Variants in PCDH15 observed in about 807,000 individuals in gnomAD.
PCDH15 encodes protocadherin-15.
In PCDH15, 129 loss-of-function variants were observed where a neutral mutation model predicts 178.5. The observed-to-expected ratio is 0.72, with a 90% confidence interval of 0.63 to 0.84. PCDH15 has a LOEUF of 0.84. PCDH15 is among the 40% of genes least tolerant of loss of function. The pLI, the probability that PCDH15 is intolerant of heterozygous loss-of-function variation, is 0.00. For missense variants in PCDH15, 2,230 were observed against 2,099.9 expected (o/e 1.06, Z -1.21); for synonymous variants, 800 against 732.0 (o/e 1.09, Z -1.50).
Position 54,050,812 on chromosome 10 carries a change from C to T in PCDH15, c.2220+15945G>A, listed in dbSNP as rs549275803. The stretch of plus-strand genomic sequence containing the variant: ...CTGTATTGATATGGTTTGGCTGTGT[C>T]CCCACCAAAATCTCATCTTGATTGT... On this transcript the variant is annotated intron_variant, in intron 18 of 37. Transcript: ENST00000644397. Among the ~76,000 whole-genome samples the T allele has an allele frequency of 4.6e-5, 7 of 152,158 alleles. No homozygotes were observed. The East Asian group carries it at 1.2e-3, about 25-fold the overall frequency.
intron 2 of PCDH15, among the ~76,000 whole-genome samples, chr10:54,608,444 A>G (rs1255058946): frequency 6.6e-6 from 1 of 151,982 alleles, no homozygotes; most frequent in African/African-American, 2.4e-5. Flanking sequence ...TCATCACTAC[A>G]GATAATAATA....
At chr10:55,140,993 A>C (rs548989492) in intron 2 of PCDH15, among the ~76,000 whole-genome samples, 3 of 152,002 alleles carry the variant, frequency 2.0e-5, no homozygotes, top group Admixed American at 6.6e-5. Context: ...CATCCATGTC[A>C]CTGGATAATT....
chr10:55,620,653 A>C (rs1216138367), intron 2 of PCDH15, among the ~76,000 whole-genome samples: 2 of 151,928 alleles, frequency 1.3e-5, no homozygotes, highest in Non-Finnish European at 2.9e-5. Context: ...CATTTTCAAT[A>C]ATGTAGTAGA....
At chr10:54,184,217 C>T (rs1591022927) in intron 12 of PCDH15, among the ~76,000 whole-genome samples, 1 of 152,258 alleles carries the variant, frequency 6.6e-6, no homozygotes, top group Admixed American at 6.5e-5. Context: ...TCTAAATCCA[C>T]TTTGTATCTA....
At chr10:55,281,540 C>G (rs372615046) in intron 1 of PCDH15, among the ~76,000 whole-genome samples, 2 of 151,878 alleles carry the variant, frequency 1.3e-5, no homozygotes, top group Non-Finnish European at 2.9e-5. Flanking sequence ...TTCCGCCTAC[C>G]CTTTTTATTG....
intron 3 of PCDH15, among the ~76,000 whole-genome samples, chr10:54,836,180 GGAT>G (rs1953312758): frequency 6.6e-6 from 1 of 152,030 alleles, no homozygotes; most frequent in South Asian, 2.1e-4. Context: ...TAGTGGAGAG[GGAT>G]GATTAAAAAA....
At chr10:54,293,578 G>A (rs537049613) in intron 8 of PCDH15, among the ~76,000 whole-genome samples, 177 of 152,100 alleles carry the variant, frequency 1.2e-3, no homozygotes, top group Non-Finnish European at 2.1e-3. Context: ...TCTGACAAAG[G>A]GCTAATATCC....
At chr10:55,075,564 C>T (rs76280302) in intron 2 of PCDH15, among the ~76,000 whole-genome samples, 3,863 of 151,946 alleles carry the variant, frequency 0.025, 170 homozygotes, top group African/African-American at 0.087. Context: ...GGGGTTTCAC[C>T]ATGCTGGCCA....
intron 3 of PCDH15, among the ~76,000 whole-genome samples, chr10:54,893,109 G>C (rs1360492269): frequency 6.6e-6 from 1 of 151,960 alleles, no homozygotes; most frequent in Non-Finnish European, 1.5e-5. Flanking sequence ...GGGTATATTA[G>C]GTGGCCCTCA....
intron 2 of PCDH15, among the ~76,000 whole-genome samples, chr10:55,131,469 G>C (rs1838043336): frequency 6.6e-6 from 1 of 152,178 alleles, no homozygotes; most frequent in Admixed American, 6.5e-5. Flanking sequence ...AGTGGCGGTG[G>C]AGGTATGTTT....
At chr10:54,343,802 A>T (rs1007414017) in intron 6 of PCDH15, among the ~76,000 whole-genome samples, 11 of 152,032 alleles carry the variant, frequency 7.2e-5, no homozygotes, top group Admixed American at 3.3e-4. Context: ...AAATAATAAA[A>T]AATAAAAAAT....
At chr10:54,140,036 T>C (rs1388610029) in intron 14 of PCDH15, among the ~76,000 whole-genome samples, 20 of 152,138 alleles carry the variant, frequency 1.3e-4, no homozygotes, top group Admixed American at 1.3e-3. Flanking sequence ...TTCATGCCTG[T>C]ACAAAGAAAA....
intron 8 of PCDH15, among the ~76,000 whole-genome samples, chr10:54,241,601 T>G (rs1260593078): frequency 6.6e-6 from 1 of 152,158 alleles, no homozygotes; most frequent in Non-Finnish European, 1.5e-5. Flanking sequence ...GCTGCTTTCT[T>G]TGCTGTCTCA....
intron 2 of PCDH15, among the ~76,000 whole-genome samples, chr10:55,377,492 A>T (rs1341521313): frequency 6.6e-6 from 1 of 151,920 alleles, no homozygotes; most frequent in Non-Finnish European, 1.5e-5. Context: ...ATATTTAATT[A>T]CTATATTTTT....
At chr10:54,989,167 CAGA>C (rs1839443784) in intron 2 of PCDH15, among the ~76,000 whole-genome samples, 1 of 152,190 alleles carries the variant, frequency 6.6e-6, no homozygotes, top group Non-Finnish European at 1.5e-5. Flanking sequence ...GCCGAGATTT[CAGA>C]AGATGTATGG....
intron 3 of PCDH15, among the ~76,000 whole-genome samples, chr10:54,887,466 G>A (rs1034141493): frequency 2.6e-5 from 4 of 151,986 alleles, no homozygotes; most frequent in Middle Eastern, 3.2e-3. Context: ...ACTGATTCAT[G>A]TTCAAATTCA....
At chr10:54,669,226 T>A (rs2094618554) in intron 1 of PCDH15, among the ~76,000 whole-genome samples, 1 of 152,052 alleles carries the variant, frequency 6.6e-6, no homozygotes, top group Non-Finnish European at 1.5e-5. Context: ...ACCAGATGAA[T>A]CAGCTGTTCC....
chr10:55,023,185 C>T (rs1416110873), intron 2 of PCDH15, among the ~76,000 whole-genome samples: 2 of 152,042 alleles, frequency 1.3e-5, no homozygotes, highest in African/African-American at 4.8e-5. Flanking sequence ...TTGTGATCTG[C>T]CCGGCCTCTG....
intron 32 of PCDH15, among the ~76,000 whole-genome samples, chr10:53,824,401 G>C (rs1013618427): frequency 1.3e-5 from 2 of 152,006 alleles, no homozygotes; most frequent in African/African-American, 4.8e-5. Context: ...TACCCACTTA[G>C]CAGGAATGAA....
Sources: gnomAD v4.1 joint callset for allele counts (sites outside exome capture counted in the v4.1 genomes callset) on GRCh38, gnomAD v4.1.1 for gene constraint, MANE v1.5 for transcripts, NCBI Gene and HGNC (gene_info 2026-07-23, HGNC 2026-07-21) for gene names.